POLD3: variants seen among roughly 807,000 people sequenced by gnomAD.
The protein encoded by POLD3 is DNA polymerase delta subunit 3.
POLD3 carries 19 observed loss-of-function variants against 58.2 expected under a neutral mutation model. The observed-to-expected ratio is 0.33, with a 90% CI of 0.23 to 0.48. POLD3 has a LOEUF of 0.48. POLD3 is among the 20% of genes least tolerant of loss of function. The pLI is 0.99. For missense variants in POLD3, 504 were observed against 545.5 expected, an observed-to-expected ratio of 0.92 and a Z score of 0.76; for synonymous variants, 172 against 193.5, an observed-to-expected ratio of 0.89 and a Z score of 0.92.
chr11:74,635,098 T>C (rs1237356959), intron 10 of POLD3, among the ~76,000 whole-genome samples: 1 of 152,196 alleles, frequency 6.6e-6, no homozygotes, highest in Non-Finnish European at 1.5e-5. Flanking sequence ...GGAAAAGGGC[T>C]GGATGGGAAA....
chr11:74,599,907 G>T (rs1318329492), intron 2 of POLD3, among the ~76,000 whole-genome samples: 1 of 151,976 alleles, frequency 6.6e-6, no homozygotes, highest in African/African-American at 2.4e-5. Context: ...AATTAATCAT[G>T]TGTAGGAAGT....
chr11:74,600,919 A>T (rs148120340), intron 2 of POLD3, among the ~76,000 whole-genome samples: 1 of 151,916 alleles, frequency 6.6e-6, no homozygotes, highest in Non-Finnish European at 1.5e-5. Flanking sequence ...AGGTTTCTCT[A>T]TGTTGGTTAG....
At chr11:74,657,410 A>G (rs1565134994) in intron 4 of POLD3, among the ~76,000 whole-genome samples, 1 of 151,488 alleles carries the variant, frequency 6.6e-6, no homozygotes, top group African/African-American at 2.4e-5. Flanking sequence ...CTTGCTTTTT[A>G]TTTTTTGTAT....
intron 9 of POLD3, among the ~76,000 whole-genome samples, chr11:74,630,042 A>G (rs1429115202): frequency 6.6e-6 from 1 of 152,210 alleles, no homozygotes; most frequent in Non-Finnish European, 1.5e-5. Flanking sequence ...CCATGAATTC[A>G]TGGCATAATG....
exon 5 of POLD3, chr11:74,668,860 AG>A (rs1300739934): frequency 8.8e-7 from 1 of 1,130,742 alleles, no homozygotes; most frequent in East Asian, 5.9e-5. Context: ...GAGGTAGGGT[AG>A]GATCTGAAGA....
At chr11:74,612,756 C>A in intron 4 of POLD3, 122 bp from the exon 5 acceptor site, 1 of 737,846 alleles carries the variant, frequency 1.4e-6, no homozygotes, top group Non-Finnish European at 2.2e-6. Flanking sequence ...GCTGTGTGGC[C>A]TTTAGAGTTT....
intron 2 of POLD3, among the ~76,000 whole-genome samples, chr11:74,598,377 A>G (rs976891123): frequency 2.6e-5 from 4 of 152,150 alleles, no homozygotes; most frequent in Non-Finnish European, 4.4e-5. Context: ...GTCTTTCCCC[A>G]CTAGAATATA....
intron 4 of POLD3, among the ~76,000 whole-genome samples, chr11:74,664,100 C>G (rs112186838): frequency 1.5e-3 from 226 of 152,158 alleles, no homozygotes; most frequent in African/African-American, 5.0e-3. Flanking sequence ...CACTACATGC[C>G]CATTAGAATG....
At chr11:74,655,232 T>C (rs913177125) in intron 4 of POLD3, among the ~76,000 whole-genome samples, 1 of 152,266 alleles carries the variant, frequency 6.6e-6, no homozygotes, top group Non-Finnish European at 1.5e-5. Flanking sequence ...AACACTGACA[T>C]GGGCGTAAGC....
rs897635910 is a variant in POLD3 at position 74,642,886 on chromosome 11, G to A, written c.*2120G>A. ...GAACAAGTTATTTGCTGCCTTCATC[G>A]TTTTTTTCAGCACTGGGGAAATGTT... On this transcript the variant is annotated 3_prime_UTR_variant, in exon 12 of 12. Coordinates refer to ENST00000263681, the MANE Select transcript of POLD3 (RefSeq NM_006591.3). 20 of 984,844 alleles carry A rather than the reference G, an allele frequency of 2.0e-5. No individual in the cohort carries two copies. In the African/African-American group the frequency reaches 3.0e-4, roughly 15 times the overall value. The allele number at this position is 984,844 out of a possible 1,614,324, so 61.0% of individuals were successfully genotyped here. A position where few individuals can be genotyped will look rare whatever the true frequency, so the allele number is the denominator to read the frequency against.
At position 74,667,942 on chromosome 11, in the gene POLD3, G is replaced by T. The variant is rs1390555558; in HGVS notation, c.370-835G>T. Among the ~76,000 whole-genome samples the T allele has an allele frequency of 2.6e-5, 4 of 152,164 alleles. No individual in the cohort carries two copies. In the East Asian group the frequency reaches 7.7e-4, roughly 29 times the overall value. On this transcript the variant is annotated intron_variant, in intron 4 of 4. Transcript: ENST00000524752. ...ATTTCTTCAAAGAATATATACAAAT[G>T]ACCAACAAACATCAAAACATCAACG...
At chr11:74,605,671 C>G (rs910337906) in intron 3 of POLD3, among the ~76,000 whole-genome samples, 2 of 152,184 alleles carry the variant, frequency 1.3e-5, no homozygotes, top group Non-Finnish European at 2.9e-5. Context: ...CTCAGAGATC[C>G]GCTGTTTTCC....
downstream of POLD3, among the ~76,000 whole-genome samples, chr11:74,643,903 C>T (rs752491796): frequency 1.4e-4 from 21 of 152,204 alleles, no homozygotes; most frequent in Admixed American, 2.6e-4. Flanking sequence ...TTGGTTAAAA[C>T]AAGGCCGCTT....
At chr11:74,654,615 G>T (rs970419035) in intron 4 of POLD3, among the ~76,000 whole-genome samples, 1 of 152,172 alleles carries the variant, frequency 6.6e-6, no homozygotes, top group African/African-American at 2.4e-5. Context: ...AGTAAAAATA[G>T]TGGGAGTCTG....
In POLD3 at chr11:74,634,694, A is replaced by C. The variant is rs181857010; in HGVS notation, c.1118A>C (p.Lys373Thr). ...PKTEPEPPSVKSSSGENKRKR... is the reference protein window; with the variant it reads ...PKTEPEPPSVTSSSGENKRKR... ...ACTGAGCCTGAACCTCCTTCTGTCAAGGTAAAATTATACTGGGATTCTTGC... is the reference window on the plus strand; with the variant it reads ...ACTGAGCCTGAACCTCCTTCTGTCACGGTAAAATTATACTGGGATTCTTGC... Residue 373 changes from lysine (K) to threonine (T), a missense_variant and splice_region_variant, in exon 10 of 12, where the codon AAG becomes ACG. This residue lies in a region of POLD3 where 385 missense variants were observed against 370.5 expected (regional missense o/e 1.04). Transcript: ENST00000263681. The C allele has an allele frequency of 3.8e-4, 582 of 1,550,556 alleles. No individual in the cohort carries two copies. Among genetic ancestry groups the C allele is most frequent in the Middle Eastern group, 3.4e-3 (20 of 5,968 alleles).
intron 4 of POLD3, among the ~76,000 whole-genome samples, chr11:74,662,671 A>G (rs191735649): frequency 6.6e-6 from 1 of 152,196 alleles, no homozygotes; most frequent in East Asian, 1.9e-4. Context: ...GCACTCCATT[A>G]GCCAACCCAG....
At chr11:74,593,898 G>T (rs2031127069) in intron 1 of POLD3, among the ~76,000 whole-genome samples, 163 bp from the exon 2 acceptor site, 1 of 152,178 alleles carries the variant, frequency 6.6e-6, no homozygotes, top group Non-Finnish European at 1.5e-5. Flanking sequence ...AATAGGTCCT[G>T]CCTACCCAGA....
chr11:74,644,265 C>T (rs556957528), downstream of POLD3, among the ~76,000 whole-genome samples: 111 of 152,280 alleles, frequency 7.3e-4, 1 homozygote, highest in African/African-American at 2.5e-3. Flanking sequence ...TTGCCAGAAA[C>T]GTACTCTGTG....
chr11:74,641,432 G>C lies in POLD3; in HGVS notation c.*666G>C. 1.0e-6 allele frequency: 1 copy of C among 985,412 alleles called. No homozygotes were observed. Among genetic ancestry groups the C allele is most frequent in the Middle Eastern group, 5.2e-4 (1 of 1,914 alleles). 61.0% of individuals were successfully genotyped at this position (985,412 alleles called of 1,614,324 possible). On this transcript the variant is annotated 3_prime_UTR_variant, in exon 12 of 12. Transcript: ENST00000263681. The stretch of plus-strand genomic sequence containing the variant: ...CTGGGACCTTCACTTGCAATTAGTG[G>C]TTAGGGAAAAGCCTCAGGCAGAACA...
Sources: gnomAD v4.1 joint callset for allele counts (sites outside exome capture counted in the v4.1 genomes callset) on GRCh38, gnomAD v4.1.1 for gene constraint, gnomAD v4.1.1 regional missense constraint, MANE v1.5 for transcripts, NCBI Gene and HGNC (gene_info 2026-07-23, HGNC 2026-07-21) for gene names.